The following LRRK2 variants were observed in gnomAD, a reference collection of about 807,000 sequenced individuals.
The protein encoded by LRRK2 is leucine-rich repeat serine/threonine-protein kinase 2.
In LRRK2, 203 loss-of-function variants were observed where a neutral mutation model predicts 302.6. The ratio of observed to expected loss-of-function variants is 0.67; its 90% CI spans 0.60 to 0.75. LRRK2 has a LOEUF of 0.75. Among genes scored for constraint, LRRK2 ranks in the 30% least tolerant of loss-of-function variants. The probability of loss-of-function intolerance (pLI) is 0.00; values close to 1 mark genes in which losing one functional copy is unlikely to be tolerated. For missense variants in LRRK2, 2,830 were observed against 2,951.0 expected (o/e 0.96, Z 0.95); for synonymous variants, 1,066 against 1,031.9 (o/e 1.03, Z -0.63).
chr12:40,261,837 A>G (rs1460816131), intron 13 of LRRK2, among the ~76,000 whole-genome samples: 1 of 152,174 alleles, frequency 6.6e-6, no homozygotes, highest in South Asian at 2.1e-4. Flanking sequence ...TTAGGGTCCA[A>G]TTAAGGATAG....
At chr12:40,250,952 A>G (rs1942239130) in intron 8 of LRRK2, among the ~76,000 whole-genome samples, 1 of 149,730 alleles carries the variant, frequency 6.7e-6, no homozygotes, top group African/African-American at 2.4e-5. Flanking sequence ...TCTTGTGAAT[A>G]GTGCTGTGAT....
chr12:40,238,545 T>G (rs1324998919), intron 5 of LRRK2, among the ~76,000 whole-genome samples: 2 of 152,154 alleles, frequency 1.3e-5, no homozygotes, highest in Non-Finnish European at 2.9e-5. Context: ...AGCCTGGCCC[T>G]GAGATTGATA....
At position 40,274,796 on chromosome 12, in the gene LRRK2, T is replaced by G. The variant is rs548991403; in HGVS notation, c.1802-58T>G. On this transcript the variant is annotated intron_variant, in intron 15 of 50. Transcript: ENST00000298910. ...GGCATTAGCTGGTGACTGGATGTCT[T>G]TAAATATTTTTCTTCAGTTTTGAGA... 53 of 1,609,702 alleles carry G rather than the reference T, an allele frequency of 3.3e-5. No homozygotes were observed. In the South Asian group the frequency reaches 5.7e-4, roughly 17 times the overall value.
chr12:40,258,386 A>G (rs1343621376), intron 12 of LRRK2, among the ~76,000 whole-genome samples: 1 of 152,124 alleles, frequency 6.6e-6, no homozygotes, highest in Non-Finnish European at 1.5e-5. Flanking sequence ...TTGTTTTTGA[A>G]CACTGAGATG....
intron 50 of LRRK2, 192 bp downstream of exon 50, chr12:40,367,269 T>C: frequency 1.8e-6 from 1 of 544,504 alleles, no homozygotes; most frequent in Admixed American, 3.6e-5. Flanking sequence ...TAAATATTTA[T>C]ATTTTCAGCT....
chr12:40,273,041 C>CAG (rs1430301783), intron 14 of LRRK2, among the ~76,000 whole-genome samples: 9 of 152,118 alleles, frequency 5.9e-5, no homozygotes, highest in Admixed American at 5.2e-4. Flanking sequence ...ATTCCATGGA[C>CAG]AGAGCTATCT....
At position 40,274,909 on chromosome 12, in the gene LRRK2, G is replaced by A. The variant is rs1406413318; in HGVS notation, c.1857G>A (p.Val619=). Residue 619 remains valine, a synonymous_variant, in exon 16 of 51, where the codon GTG becomes GTA. Transcript: ENST00000298910. Reference sequence around the variant, plus strand: ...GATACTTGATTACAAAGAAGAATGTGTTCATAGGAACTGGACATCTGCTGG... The same window carrying A: ...GATACTTGATTACAAAGAAGAATGTATTCATAGGAACTGGACATCTGCTGG... ...LIGYLITKKN[V]FIGTGHLLAK... 6.2e-7 allele frequency: 1 copy of A among 1,613,228 alleles called. No homozygotes were observed. Among genetic ancestry groups the A allele is most frequent in the African/African-American group, 1.3e-5 (1 of 74,902 alleles).
intron 4 of LRRK2, 110 bp from the exon 5 acceptor site, chr12:40,237,859 G>A: frequency 8.7e-7 from 1 of 1,143,956 alleles, no homozygotes; most frequent in Non-Finnish European, 1.3e-6. Flanking sequence ...GAAAACCATG[G>A]GTCTACAAAC....
chr12:40,334,216 T>C (rs1565759577), intron 39 of LRRK2, among the ~76,000 whole-genome samples: 1 of 152,146 alleles, frequency 6.6e-6, no homozygotes, highest in African/African-American at 2.4e-5. Flanking sequence ...CAGAATTCAG[T>C]AGATGAGTTT....
intron 28 of LRRK2, 36 bp downstream of exon 28, chr12:40,306,002 T>TTA: frequency 6.7e-7 from 1 of 1,487,676 alleles, no homozygotes. Context: ...TTTACTAAAT[T>TTA]TATTTCAGAT....
intron 8 of LRRK2, among the ~76,000 whole-genome samples, chr12:40,250,436 G>C: frequency 6.6e-6 from 1 of 152,284 alleles, no homozygotes; most frequent in Non-Finnish European, 1.5e-5. Flanking sequence ...GTTGAAGTGA[G>C]CTGAGATTGT....
At chr12:40,247,983 C>T (rs755867022) in intron 7 of LRRK2, among the ~76,000 whole-genome samples, 64 of 151,832 alleles carry the variant, frequency 4.2e-4, no homozygotes, top group Admixed American at 2.0e-4. Context: ...ATTTCTTCAT[C>T]CCTAAACAAA....
At chr12:40,310,683 A>T (rs969574791) in intron 31 of LRRK2, 34 bp downstream of exon 31, 1 of 1,600,006 alleles carries the variant, frequency 6.2e-7, no homozygotes, top group Non-Finnish European at 8.6e-7. Context: ...AATGTAATTT[A>T]TTGATTCTCA....
chr12:40,366,874 C>A (rs1230370908), intron 49 of LRRK2, 132 bp from the exon 50 acceptor site: 6 of 648,888 alleles, frequency 9.2e-6, no homozygotes, highest in East Asian at 2.9e-5. Context: ...ATTGAAGGGT[C>A]ACCTAGAAAA....
At chr12:40,247,080 A>T (rs1053643543) in intron 7 of LRRK2, among the ~76,000 whole-genome samples, 1 of 152,096 alleles carries the variant, frequency 6.6e-6, no homozygotes, top group Non-Finnish European at 1.5e-5. Flanking sequence ...TTAGTTTTTC[A>T]TTGTTACAAA....
rs1006894548 is a variant in LRRK2, at chr12:40,225,027, G to A, written c.-105G>A. On this transcript the variant is annotated 5_prime_UTR_variant, in exon 1 of 51. The change creates a new upstream start codon in the 5' untranslated region. Transcript: ENST00000298910. ...CCGCGGGGAGCGCTGGCTGCGGGCG[G>A]TGAGCTGAGCTCGCCCCCGGGGAGC... is the stretch of plus-strand genomic sequence containing the variant. The A allele has an allele frequency of 1.2e-4, 171 of 1,471,532 alleles. No individual in the cohort carries two copies. The highest frequency in any genetic ancestry group is 1.5e-4 in the Non-Finnish European group (166 of 1,072,670). The allele number at this position is 1,471,532 out of a possible 1,614,324, so 91.2% of individuals were successfully genotyped here.
Position 40,367,779 on chromosome 12 carries a change from A to G in LRRK2, c.*14A>G, listed in dbSNP as rs1350281382. 3 of 1,601,464 alleles carry G rather than the reference A, an allele frequency of 1.9e-6. No individual in the cohort carries two copies. The highest frequency in any genetic ancestry group is 2.7e-5 in the African/African-American group (2 of 74,566). ...TCTGTTGAGTAAGAGAGAAATAGGA[A>G]TTGTCTTTGGATAGGAAAATTATTC... On this transcript the variant is annotated 3_prime_UTR_variant, in exon 51 of 51. Transcript: ENST00000298910.
intron 3 of LRRK2, among the ~76,000 whole-genome samples, chr12:40,235,169 TAGAAAGAAACAAACACACATG>T (rs1941392700): frequency 6.6e-6 from 1 of 152,200 alleles, no homozygotes; most frequent in South Asian, 2.1e-4. Flanking sequence ...TTCAGGTTTG[TAGAAAGAAACAAACACACATG>T]GCCAGGCACG....
In LRRK2 at chr12:40,310,590, G is replaced by A; in HGVS notation, c.4477G>A (p.Glu1493Lys). The A allele has an allele frequency of 6.2e-7, 1 of 1,612,438 alleles. No individual in the cohort carries two copies. The highest frequency in any genetic ancestry group is 1.1e-5 in the South Asian group (1 of 90,912). ...RDYHFVNATE[E>K]SDALAKLRKT... The stretch of plus-strand genomic sequence containing the variant: ...TTACCACTTTGTGAATGCCACCGAG[G>A]AATCTGATGCTTTGGCAAAACTTCG... The change falls in exon 31 of 51, where the codon GAA becomes AAA. Residue 1493 changes from glutamate (E) to lysine (K), a missense_variant. Physicochemically the swap from Glu to Lys is moderately conservative, Grantham distance 56. Around this residue, in one of 3 missense-constraint regions of LRRK2, gnomAD observed 2,121 missense variants for 2,148.0 expected, o/e 0.99. Coordinates refer to ENST00000298910, the MANE Select transcript of LRRK2 (RefSeq NM_198578.4).
Sources: gnomAD v4.1 joint callset for allele counts (sites outside exome capture counted in the v4.1 genomes callset) on GRCh38, gnomAD v4.1.1 for gene constraint, gnomAD v4.1.1 regional missense constraint, MANE v1.5 for transcripts, NCBI Gene and HGNC (gene_info 2026-07-23, HGNC 2026-07-21) for gene names.